The following TSHZ2 variants were observed in gnomAD, a reference collection of about 807,000 sequenced individuals.
TSHZ2 encodes the protein teashirt homolog 2.
In TSHZ2, 21 loss-of-function variants were observed where a neutral mutation model predicts 74.4. That is an observed-to-expected ratio of 0.28 (90% CI 0.20 to 0.41). The LOEUF (loss-of-function observed/expected upper bound fraction) is 0.41, where lower values mean the gene tolerates loss of function less well. TSHZ2 is among the 10% of genes least tolerant of loss of function. The pLI is 1.00. For synonymous variants in TSHZ2, 540 were observed against 515.3 expected (o/e 1.05, Z -0.65); for missense variants, 1,244 against 1,293.5 (o/e 0.96, Z 0.59).
At chr20:53,427,724 C>A (rs1431666409) in intron 2 of TSHZ2, among the ~76,000 whole-genome samples, 2 of 152,122 alleles carry the variant, frequency 1.3e-5, no homozygotes, top group Admixed American at 1.3e-4. Context: ...GGTCACCTCC[C>A]GGGAATGTTT....
intron 1 of TSHZ2, among the ~76,000 whole-genome samples, chr20:52,989,505 C>A (rs1195764166): frequency 6.6e-6 from 1 of 152,158 alleles, no homozygotes; most frequent in Non-Finnish European, 1.5e-5. Context: ...TTAAGCTTTA[C>A]AAATAGTTAA....
chr20:53,306,971 A>T (rs1178078716), intron 2 of TSHZ2, among the ~76,000 whole-genome samples: 1 of 152,226 alleles, frequency 6.6e-6, no homozygotes, highest in Non-Finnish European at 1.5e-5. Flanking sequence ...AGAAGTAGGT[A>T]TAATTGCTGT....
At chr20:53,469,048 TATATATATATATATATATA>T (rs1985659201) in intron 2 of TSHZ2, among the ~76,000 whole-genome samples, 3 of 93,766 alleles carry the variant, frequency 3.2e-5, no homozygotes, top group African/African-American at 1.3e-4. Flanking sequence ...CGATATTTTA[TATATATATATATATATATA>T]TATATATATA....
chr20:53,014,552 C>T (rs1482866290), intron 1 of TSHZ2, among the ~76,000 whole-genome samples: 2 of 152,126 alleles, frequency 1.3e-5, no homozygotes, highest in Non-Finnish European at 2.9e-5. Flanking sequence ...CTCATGGGTT[C>T]CTAGGCAGTG....
chr20:53,093,822 A>T (rs1449607225), intron 1 of TSHZ2, among the ~76,000 whole-genome samples: 1 of 152,212 alleles, frequency 6.6e-6, no homozygotes, highest in Non-Finnish European at 1.5e-5. Context: ...TGATTTAATG[A>T]TTTATGATGA....
At chr20:53,017,689 C>CTAAGAT in intron 1 of TSHZ2, among the ~76,000 whole-genome samples, 1 of 152,254 alleles carries the variant, frequency 6.6e-6, no homozygotes, top group African/African-American at 2.4e-5. Context: ...CTAATATTTA[C>CTAAGAT]TAAGATTGTC....
chr20:53,037,054 T>C (rs1983849091), intron 1 of TSHZ2, among the ~76,000 whole-genome samples: 1 of 152,174 alleles, frequency 6.6e-6, no homozygotes, highest in South Asian at 2.1e-4. Flanking sequence ...ATCCTCCTAA[T>C]GTTGCATTTA....
chr20:53,388,542 G>A (rs1600599904), intron 2 of TSHZ2, among the ~76,000 whole-genome samples: 1 of 151,974 alleles, frequency 6.6e-6, no homozygotes. Flanking sequence ...AATGCCAGTT[G>A]AACATACTCA....
At chr20:53,160,744 C>CAAAAAAAAAAAAAAAAAAA (rs1762991150) in intron 1 of TSHZ2, among the ~76,000 whole-genome samples, 9 of 69,102 alleles carry the variant, frequency 1.3e-4, no homozygotes, top group African/African-American at 8.5e-4. Flanking sequence ...GACTCTGTCT[C>CAAAAAAAAAAAAAAAAAAA]CAAAAAAAAA....
chr20:52,980,132 C>T (rs1240170993), intron 1 of TSHZ2, among the ~76,000 whole-genome samples: 1 of 152,146 alleles, frequency 6.6e-6, no homozygotes, highest in Non-Finnish European at 1.5e-5. Flanking sequence ...CAAATGTGGG[C>T]ATGCAAACCA....
At chr20:53,385,183 G>T (rs767927187) in intron 2 of TSHZ2, among the ~76,000 whole-genome samples, 1 of 152,112 alleles carries the variant, frequency 6.6e-6, no homozygotes, top group Non-Finnish European at 1.5e-5. Flanking sequence ...CCCAGATCTA[G>T]ATATATGGGG....
chr20:52,989,626 T>C (rs1981901697), intron 1 of TSHZ2, among the ~76,000 whole-genome samples: 1 of 152,178 alleles, frequency 6.6e-6, no homozygotes, highest in Non-Finnish European at 1.5e-5. Context: ...AGGTGATACT[T>C]ATTACATACT....
At chr20:53,027,962 G>A (rs1277040635) in intron 1 of TSHZ2, among the ~76,000 whole-genome samples, 1 of 152,166 alleles carries the variant, frequency 6.6e-6, no homozygotes, top group Non-Finnish European at 1.5e-5. Context: ...TGCAGTCAGG[G>A]GAAAAGTGGG....
chr20:53,249,382 A>C (rs1265792453), intron 1 of TSHZ2, among the ~76,000 whole-genome samples: 2 of 152,212 alleles, frequency 1.3e-5, no homozygotes, highest in South Asian at 2.1e-4. Context: ...GGGGAGGAGC[A>C]TTCTGACTGC....
Position 53,254,378 on chromosome 20 carries a change from A to G in TSHZ2, c.920A>G (p.Glu307Gly). The change falls in exon 2 of 3, where the codon GAG becomes GGG. Residue 307 changes from glutamate to glycine, a missense_variant. By Grantham distance (98) the Glu-to-Gly change is moderately conservative. This residue lies in a region of TSHZ2 where 470 missense variants were observed against 456.5 expected (regional missense o/e 1.03). Coordinates refer to ENST00000371497, the MANE Select transcript of TSHZ2 (RefSeq NM_173485.6). ...TKHYQKVPLK[E>G]PVPTISSKMV... ...CATTACCAAAAAGTGCCTTTGAAGG[A>G]GCCAGTCCCAACCATTTCCTCGAAA... is the stretch of plus-strand genomic sequence containing the variant. 1.2e-6 allele frequency: 2 copies of G among 1,614,176 alleles called. No individual in the cohort carries two copies. The highest frequency in any genetic ancestry group is 8.5e-7 in the Non-Finnish European group (1 of 1,180,020).
chr20:53,433,305 T>A (rs971073163), intron 2 of TSHZ2, among the ~76,000 whole-genome samples: 1 of 152,170 alleles, frequency 6.6e-6, no homozygotes, highest in African/African-American at 2.4e-5. Context: ...GGTTCTAGAC[T>A]GCAGTGAGCT....
At chr20:53,207,971 A>G (rs1190836180) in intron 1 of TSHZ2, among the ~76,000 whole-genome samples, 1 of 144,814 alleles carries the variant, frequency 6.9e-6, no homozygotes, top group African/African-American at 2.6e-5. Flanking sequence ...AAGTGCTGGG[A>G]TGACAGGCAG....
At chr20:53,205,789 A>T (rs76899423) in intron 1 of TSHZ2, among the ~76,000 whole-genome samples, 1 of 152,212 alleles carries the variant, frequency 6.6e-6, no homozygotes, top group South Asian at 2.1e-4. Flanking sequence ...TAACACTTGT[A>T]GAAGGCATGG....
chr20:53,217,398 C>T (rs934897395), intron 1 of TSHZ2, among the ~76,000 whole-genome samples: 3 of 152,014 alleles, frequency 2.0e-5, no homozygotes, highest in Non-Finnish European at 2.9e-5. Context: ...ATAACTGAGC[C>T]CCAAAGAAGC....
Sources: gnomAD v4.1 joint callset for allele counts (sites outside exome capture counted in the v4.1 genomes callset) on GRCh38, gnomAD v4.1.1 for gene constraint, gnomAD v4.1.1 regional missense constraint, MANE v1.5 for transcripts, NCBI Gene and HGNC (gene_info 2026-07-23, HGNC 2026-07-21) for gene names.